Variants in ZNF616 observed in about 807,000 individuals in gnomAD.
The protein encoded by ZNF616 is zinc finger protein 616.
ZNF616 carries 5 observed loss-of-function variants against 7.6 expected under a neutral mutation model. The observed-to-expected ratio is 0.66, with a 90% CI of 0.34 to 1.38. The LOEUF is 1.38. Among genes scored for constraint, ZNF616 ranks in the 40% most tolerant of loss-of-function variants. The probability of loss-of-function intolerance (pLI) is 0.04; values close to 1 mark genes in which losing one functional copy is unlikely to be tolerated. For synonymous variants in ZNF616, 319 were observed against 317.2 expected, an observed-to-expected ratio of 1.01 and a Z score of -0.06; for missense variants, 913 against 948.3, an observed-to-expected ratio of 0.96 and a Z score of 0.49.
Position 52,114,637 on chromosome 19 carries a change from G to A in ZNF616, c.*181C>T. The A allele has an allele frequency of 1.5e-6, 1 of 687,962 alleles. No individual in the cohort carries two copies. Among genetic ancestry groups the A allele is most frequent in the South Asian group, 2.2e-5 (1 of 45,450 alleles). 42.6% of individuals were successfully genotyped at this position (687,962 alleles called of 1,614,324 possible). ...CACTATTGCCAGGACAGCACCAAGG[G>A]GATGACGCTACATCTTTCTCAGTTT... is the stretch of plus-strand genomic sequence containing the variant. On this transcript the variant is annotated 3_prime_UTR_variant, in exon 4 of 4. Coordinates refer to ENST00000600228, the MANE Select transcript of ZNF616 (RefSeq NM_178523.5).
intron 1 of ZNF616, among the ~76,000 whole-genome samples, chr19:52,137,509 C>T (rs1025270786): frequency 2.0e-5 from 3 of 152,028 alleles, no homozygotes; most frequent in African/African-American, 7.3e-5. Context: ...TTATGCTGGG[C>T]GATATAAGAC....
chr19:52,121,746 G>A (rs1471634546), intron 3 of ZNF616, among the ~76,000 whole-genome samples: 1 of 152,040 alleles, frequency 6.6e-6, no homozygotes, highest in Non-Finnish European at 1.5e-5. Flanking sequence ...GGAAAAACTG[G>A]CTAGCCATAT....
chr19:52,137,999 T>C (rs2089027589), intron 1 of ZNF616, among the ~76,000 whole-genome samples: 1 of 152,176 alleles, frequency 6.6e-6, no homozygotes, highest in Non-Finnish European at 1.5e-5. Flanking sequence ...TTCAAAGACA[T>C]ACATTGTAGG....
chr19:52,124,462 T>C (rs2088889835), intron 2 of ZNF616, among the ~76,000 whole-genome samples: 1 of 152,220 alleles, frequency 6.6e-6, no homozygotes, highest in Non-Finnish European at 1.5e-5. Flanking sequence ...GACTGAAGTT[T>C]TGGAACACTC....
At chr19:52,132,146 C>T (rs1422582945) in intron 1 of ZNF616, among the ~76,000 whole-genome samples, 1 of 151,994 alleles carries the variant, frequency 6.6e-6, no homozygotes, top group Non-Finnish European at 1.5e-5. Flanking sequence ...GAATTAAAAC[C>T]CTTCTATATA....
chr19:52,134,768 C>T (rs1190474934), intron 1 of ZNF616, among the ~76,000 whole-genome samples: 1 of 152,138 alleles, frequency 6.6e-6, no homozygotes, highest in Non-Finnish European at 1.5e-5. Context: ...AATTACTAGG[C>T]CTGTCATTCT....
chr19:52,123,258 A>G (rs539712876), intron 3 of ZNF616, among the ~76,000 whole-genome samples: 197 of 152,272 alleles, frequency 1.3e-3, no homozygotes, highest in Non-Finnish European at 2.4e-3. Context: ...GTCACTTAAA[A>G]CAAATTATGT....
Position 52,130,618 on chromosome 19 carries a change from C to T in ZNF616, c.-76-30G>A, listed in dbSNP as rs77331480. 8.1e-3 allele frequency: 11,976 copies of T among 1,483,540 alleles called. 731 individuals carry two copies. In the African/African-American group the frequency reaches 0.14, roughly 17 times the overall value. 91.9% of individuals were successfully genotyped at this position (1,483,540 alleles called of 1,614,324 possible). A position where few individuals can be genotyped will look rare whatever the true frequency, so the allele number is the denominator to read the frequency against. On this transcript the variant is annotated intron_variant, in intron 1 of 3. Transcript: ENST00000600228. ...AAGTTAAAAAATCTGTTGTTTAATG[C>T]TTGGAAACAACACATTCCTTTCTGT...
chr19:52,116,542 T>C lies in ZNF616; in HGVS notation c.622A>G (p.Thr208Ala), dbSNP rs141331357. 157 of 1,614,040 alleles carry C rather than the reference T, an allele frequency of 9.7e-5. No homozygotes were observed. The highest frequency in any genetic ancestry group is 4.4e-5 in the Non-Finnish European group (52 of 1,180,034). ...SSLINHQRIH[T>A]TEKPYKCNEC... ...TTGCATTTGTAAGGTTTCTCTGTAG[T>C]ATGTATCCTCTGATGATTAATAAGG... Residue 208 changes from threonine (T) to alanine (A), a missense_variant, in exon 4 of 4, where the codon ACT (threonine) becomes GCT (alanine). Coordinates refer to ENST00000600228, the MANE Select transcript of ZNF616 (RefSeq NM_178523.5).
chr19:52,135,256 A>G (rs1415542271), intron 1 of ZNF616, among the ~76,000 whole-genome samples: 1 of 151,996 alleles, frequency 6.6e-6, no homozygotes, highest in African/African-American at 2.4e-5. Context: ...AACAACTCAT[A>G]AACTCCTGCT....
chr19:52,116,432 A>G lies in ZNF616; in HGVS notation c.732T>C (p.Asp244=). Residue 244 remains aspartate (D), a synonymous_variant, in exon 4 of 4, where the codon GAT becomes GAC. Transcript: ENST00000600228. The part of the protein sequence containing the change: ...VHTRGKSYQC[D]VCGKIFRKNS... ...TTTTTCTGAAGATCTTGCCACATAC[A>G]TCACATTGATATGATTTCCCTCTTG... 7 of 1,614,072 alleles carry G rather than the reference A, an allele frequency of 4.3e-6. No homozygotes were observed. Among genetic ancestry groups the G allele is most frequent in the Non-Finnish European group, 5.9e-6 (7 of 1,179,954 alleles).
chr19:52,139,623 C>A lies in ZNF616; in HGVS notation c.-77+109G>T, dbSNP rs1055305400. On this transcript the variant is annotated intron_variant, in intron 1 of 3. Coordinates refer to ENST00000600228, the MANE Select transcript of ZNF616 (RefSeq NM_178523.5). This position sits in a 1 kb window ranked among gnomAD's most constrained non-coding sequence, Gnocchi z 4.1. The stretch of plus-strand genomic sequence containing the variant: ...TCAATGAGAGTTTTAAGCAGGAACA[C>A]GACCTGAATGGGGTTATCGACATGG... The A allele has an allele frequency of 6.6e-6, 1 of 152,182 alleles. No individual in the cohort carries two copies. The highest frequency in any genetic ancestry group is 1.5e-5 in the Non-Finnish European group (1 of 68,102). 9.4% of individuals were successfully genotyped at this position (152,182 alleles called of 1,614,324 possible).
At chr19:52,124,661 C>G (rs1174653900) in intron 2 of ZNF616, among the ~76,000 whole-genome samples, 1 of 152,178 alleles carries the variant, frequency 6.6e-6, no homozygotes, top group Non-Finnish European at 1.5e-5. Flanking sequence ...AGAGTTGAAT[C>G]AAAACAATCA....
chr19:52,132,357 C>G (rs1282846365), intron 1 of ZNF616, among the ~76,000 whole-genome samples: 2 of 152,078 alleles, frequency 1.3e-5, no homozygotes, highest in Non-Finnish European at 2.9e-5. Flanking sequence ...ACACAGAATT[C>G]TAGAGTTCAG....
Position 52,137,049 on chromosome 19 carries a change from A to ATG in ZNF616, c.-77+2681_-77+2682dup, listed in dbSNP as rs1230556291. On this transcript the variant is annotated intron_variant, in intron 1 of 3. Transcript: ENST00000600228. ...AATGTGTGTGTATATATATTTATGT[A>ATG]TGTGTATATATATATATATATATAT... is the stretch of plus-strand genomic sequence containing the variant. Among the ~76,000 whole-genome samples the ATG allele has an allele frequency of 2.0e-3, 161 of 79,514 alleles. 1 individual carries two copies. Among genetic ancestry groups the ATG allele is most frequent in the African/African-American group, 7.1e-3 (156 of 22,120 alleles). 52.2% of individuals were successfully genotyped at this position (79,514 alleles called of 152,430 possible). A position where few individuals can be genotyped will look rare whatever the true frequency, so the allele number is the denominator to read the frequency against.
At position 52,117,034 on chromosome 19, in the gene ZNF616, A is replaced by G; in HGVS notation, c.140-10T>C. ...CATTTAGGAGAGATACCTGCAAAATATAATGAACATGAGTTTTTTTTTAAA... is the reference window on the plus strand; with the variant it reads ...CATTTAGGAGAGATACCTGCAAAATGTAATGAACATGAGTTTTTTTTTAAA... On this transcript the variant is annotated splice_polypyrimidine_tract_variant and intron_variant, in intron 3 of 3. Transcript: ENST00000600228. 1.3e-6 allele frequency: 2 copies of G among 1,538,570 alleles called. No homozygotes were observed. Among genetic ancestry groups the G allele is most frequent in the South Asian group, 2.6e-5 (2 of 77,346 alleles).
chr19:52,126,763 C>T (rs2088912088), intron 2 of ZNF616, among the ~76,000 whole-genome samples: 1 of 151,490 alleles, frequency 6.6e-6, no homozygotes, highest in South Asian at 2.1e-4. Flanking sequence ...AGCGAGACTC[C>T]ATCTCAAAAA....
At chr19:52,130,442 G>C in intron 2 of ZNF616, 59 bp downstream of exon 2, 1 of 1,467,652 alleles carries the variant, frequency 6.8e-7, no homozygotes, top group African/African-American at 1.4e-5. Context: ...CTTCACAAAG[G>C]AAGGAGACAG....
At chr19:52,126,153 G>T (rs997659068) in intron 2 of ZNF616, among the ~76,000 whole-genome samples, 1 of 152,104 alleles carries the variant, frequency 6.6e-6, no homozygotes, top group Non-Finnish European at 1.5e-5. Context: ...AGGGAAATAC[G>T]GTCTACAAAA....
Sources: allele counts gnomAD v4.1 joint callset (sites outside exome capture counted in the v4.1 genomes callset), GRCh38; gene constraint gnomAD v4.1.1; non-coding constraint Gnocchi (gnomAD v3.1); transcripts MANE v1.5; gene names NCBI Gene and HGNC (gene_info 2026-07-23, HGNC 2026-07-21).